NRG3: variants seen among roughly 807,000 people sequenced by gnomAD.
NRG3 encodes the protein pro-neuregulin-3, membrane-bound isoform.
In NRG3, 31 loss-of-function variants were observed where a neutral mutation model predicts 66.9. The observed-to-expected ratio is 0.46, with a 90% CI of 0.35 to 0.63. The LOEUF is 0.63. NRG3 is among the 20% of genes least tolerant of loss of function. The pLI, the probability that NRG3 is intolerant of heterozygous loss-of-function variation, is 0.00. For synonymous variants in NRG3, 393 were observed against 359.4 expected (o/e 1.09, Z -1.06); for missense variants, 910 against 878.9 (o/e 1.04, Z -0.45).
intron 2 of NRG3, among the ~76,000 whole-genome samples, chr10:82,361,327 A>G (rs945212384): frequency 6.6e-6 from 1 of 152,210 alleles, no homozygotes; most frequent in Non-Finnish European, 1.5e-5. Flanking sequence ...ACAAAAGACT[A>G]GCCTAAGACA....
chr10:82,884,981 G>C (rs1047631729), intron 4 of NRG3, among the ~76,000 whole-genome samples: 1 of 152,174 alleles, frequency 6.6e-6, no homozygotes, highest in Non-Finnish European at 1.5e-5. Context: ...AGGACATACT[G>C]AGATGGGCGT....
intron 2 of NRG3, among the ~76,000 whole-genome samples, chr10:82,622,070 T>C (rs775378337): frequency 8.5e-5 from 13 of 152,208 alleles, no homozygotes; most frequent in Non-Finnish European, 1.9e-4. Context: ...TATGTCCATG[T>C]TTAACATCCT....
At chr10:82,192,992 AGAGAG>A (rs1564649292) in intron 1 of NRG3, among the ~76,000 whole-genome samples, 4 of 151,268 alleles carry the variant, frequency 2.6e-5, no homozygotes, top group African/African-American at 9.8e-5. Flanking sequence ...AGAGAGAGAG[AGAGAG>A]TTTGTGAGGT....
At chr10:82,942,477 A>G (rs985640120) in intron 4 of NRG3, among the ~76,000 whole-genome samples, 1 of 152,244 alleles carries the variant, frequency 6.6e-6, no homozygotes, top group Non-Finnish European at 1.5e-5. Context: ...ATGCTAGCCA[A>G]TAAGTGTTCC....
In NRG3 at chr10:81,919,539, C is replaced by T. The variant is rs185279345; in HGVS notation, c.823+43376C>T. Among the ~76,000 whole-genome samples the T allele has an allele frequency of 1.2e-3, 176 of 151,976 alleles. 1 individual carries two copies. Among genetic ancestry groups the T allele is most frequent in the Middle Eastern group, 0.01 (3 of 294 alleles). Reference sequence around the variant, plus strand: ...ATCATCATCATCATCAAATATAATCCATTGCTTCAAAGAATTTATAGTCTA... The same window carrying T: ...ATCATCATCATCATCAAATATAATCTATTGCTTCAAAGAATTTATAGTCTA... On this transcript the variant is annotated intron_variant, in intron 1 of 8. Transcript: ENST00000372141.
At chr10:82,247,463 C>T (rs2077294578) in intron 1 of NRG3, among the ~76,000 whole-genome samples, 1 of 151,740 alleles carries the variant, frequency 6.6e-6, no homozygotes. Context: ...TGAACTATTA[C>T]TGATGACGTA....
chr10:82,475,299 A>G (rs1372414519), intron 2 of NRG3, among the ~76,000 whole-genome samples: 1 of 152,134 alleles, frequency 6.6e-6, no homozygotes, highest in African/African-American at 2.4e-5. Context: ...ATTGAAATAC[A>G]AATAATTATA....
chr10:82,959,684 A>C (rs927276191), intron 6 of NRG3, among the ~76,000 whole-genome samples: 3 of 152,224 alleles, frequency 2.0e-5, no homozygotes, highest in Admixed American at 2.0e-4. Flanking sequence ...AATGCATGTT[A>C]TGTTCAGAGA....
intron 4 of NRG3, among the ~76,000 whole-genome samples, chr10:82,921,313 A>G (rs531618952): frequency 3.9e-5 from 6 of 152,286 alleles, no homozygotes; most frequent in African/African-American, 1.2e-4. Context: ...AAAAACAAGA[A>G]ATGTCTGACA....
intron 1 of NRG3, among the ~76,000 whole-genome samples, chr10:82,022,591 A>G (rs577639102): frequency 6.6e-6 from 1 of 152,138 alleles, no homozygotes; most frequent in Non-Finnish European, 1.5e-5. Context: ...GGATTTCTTT[A>G]TGATGGTTTC....
rs181536294 is a variant in NRG3 at position 82,235,615 on chromosome 10, T to C, written c.824-123124T>C. ...TGCCACCCTAGCACTTTATCTCTCATAGAGCTCTATCTCACCTGGTGCTTT... is the reference window on the plus strand; with the variant it reads ...TGCCACCCTAGCACTTTATCTCTCACAGAGCTCTATCTCACCTGGTGCTTT... On this transcript the variant is annotated intron_variant, in intron 1 of 8. Coordinates refer to ENST00000372141, the MANE Select transcript of NRG3 (RefSeq NM_001010848.4). Among the ~76,000 whole-genome samples, 10 of 152,326 alleles carry C rather than the reference T, an allele frequency of 6.6e-5. No homozygotes were observed. The East Asian group carries it at 1.9e-3, about 29-fold the overall frequency.
At chr10:82,572,541 A>G (rs1431674348) in intron 2 of NRG3, among the ~76,000 whole-genome samples, 2 of 151,720 alleles carry the variant, frequency 1.3e-5, no homozygotes, top group African/African-American at 4.8e-5. Flanking sequence ...CATATTTTAT[A>G]TGCTTTGAAT....
intron 8 of NRG3, among the ~76,000 whole-genome samples, chr10:82,980,083 T>C (rs1852693307): frequency 6.6e-6 from 1 of 151,976 alleles, no homozygotes; most frequent in Admixed American, 6.6e-5. Flanking sequence ...TGTGTGCCTG[T>C]GGTCCCAGCT....
rs114631776 is a variant in NRG3, at chr10:82,176,506, G to A, written c.824-182233G>A. Among the ~76,000 whole-genome samples, 989 of 152,164 alleles carry A rather than the reference G, an allele frequency of 6.5e-3. 9 individuals are homozygous for A. The highest frequency in any genetic ancestry group is 0.023 in the African/African-American group (962 of 41,524). On this transcript the variant is annotated intron_variant, in intron 1 of 8. Coordinates refer to ENST00000372141, the MANE Select transcript of NRG3 (RefSeq NM_001010848.4). ...CTGCTCCCTATATGTTTCTATCCAT[G>A]CCCAAACACGTAGGCTACCCTCTGT...
intron 3 of NRG3, among the ~76,000 whole-genome samples, chr10:82,806,828 T>G (rs2061307273): frequency 6.6e-6 from 1 of 152,190 alleles, no homozygotes; most frequent in Non-Finnish European, 1.5e-5. Flanking sequence ...ATCATAAGGT[T>G]GTCTGATAGA....
chr10:82,017,385 G>A (rs1181440780), intron 1 of NRG3, among the ~76,000 whole-genome samples: 1 of 152,170 alleles, frequency 6.6e-6, no homozygotes, highest in Admixed American at 6.6e-5. Context: ...TTTGAGTAGT[G>A]CCGCAATAAA....
chr10:82,074,846 C>A (rs2065003214), intron 1 of NRG3, among the ~76,000 whole-genome samples: 1 of 152,074 alleles, frequency 6.6e-6, no homozygotes, highest in East Asian at 1.9e-4. Flanking sequence ...CCTCCCACAC[C>A]AAAAACTAAA....
chr10:82,139,968 GT>G (rs1320736153), intron 1 of NRG3, among the ~76,000 whole-genome samples: 12 of 152,032 alleles, frequency 7.9e-5, no homozygotes, highest in African/African-American at 1.9e-4. Context: ...CCATTTTTGT[GT>G]TTTAATAAGG....
chr10:81,903,795 T>C (rs1030752294), intron 1 of NRG3, among the ~76,000 whole-genome samples: 2 of 152,152 alleles, frequency 1.3e-5, no homozygotes, highest in Non-Finnish European at 1.5e-5. Flanking sequence ...TTTTGTGTTT[T>C]CCATGTTAAA....
Sources: allele counts gnomAD v4.1 joint callset (sites outside exome capture counted in the v4.1 genomes callset), GRCh38; gene constraint gnomAD v4.1.1; transcripts MANE v1.5; gene names NCBI Gene and HGNC (gene_info 2026-07-23, HGNC 2026-07-21).